The following EGLN1 variants were observed in gnomAD, a reference collection of about 807,000 sequenced individuals.
EGLN1 encodes the protein egl-9 family hypoxia inducible factor 1, also known as egl nine homolog 1.
Under a neutral mutation model 38.3 loss-of-function variants are expected in EGLN1, and 17 were observed. The observed-to-expected ratio is 0.44, with a 90% CI of 0.30 to 0.67. EGLN1 has a LOEUF of 0.67. Ranked by LOEUF, EGLN1 falls within the 30% of genes least tolerant of loss-of-function variation. EGLN1 has a pLI of 0.08. For missense variants in EGLN1, 477 were observed against 603.3 expected (o/e 0.79, Z 2.19); for synonymous variants, 283 against 257.5 (o/e 1.10, Z -0.95).
chr1:231,406,174 A>T (rs1558393684), intron 1 of EGLN1, among the ~76,000 whole-genome samples: 1 of 151,842 alleles, frequency 6.6e-6, no homozygotes, highest in Non-Finnish European at 1.5e-5. Context: ...TCAAAAAAAA[A>T]AAAAATTTCA....
chr1:231,367,462 G>A, intron 4 of EGLN1, 107 bp downstream of exon 4: 1 of 1,124,198 alleles, frequency 8.9e-7, no homozygotes, highest in Non-Finnish European at 1.3e-6. Flanking sequence ...AAAACAAAAA[G>A]TAAGTATTCA....
intron 1 of EGLN1, among the ~76,000 whole-genome samples, chr1:231,384,193 A>G (rs1423952893): frequency 5.9e-5 from 9 of 152,118 alleles, no homozygotes; most frequent in Non-Finnish European, 5.9e-5. Context: ...ATTAAACCCT[A>G]AAAATATACA....
At chr1:231,406,414 T>A (rs1157506638) in intron 1 of EGLN1, among the ~76,000 whole-genome samples, 2 of 152,104 alleles carry the variant, frequency 1.3e-5, no homozygotes, top group Admixed American at 6.5e-5. Context: ...TGGAGAGGTA[T>A]GCCCTCCAGA....
intron 1 of EGLN1, among the ~76,000 whole-genome samples, chr1:231,402,932 T>C (rs372595960): frequency 6.6e-6 from 1 of 152,006 alleles, no homozygotes; most frequent in African/African-American, 2.4e-5. Flanking sequence ...TCAATTGATA[T>C]TGTTAGTGTA....
rs578117015 is a variant in EGLN1, at chr1:231,386,729, G to C, written c.892-12630C>G. ...TAAATCAATTAATGATTTACCTTGA[G>C]AGAACAGAGATGATAGATTAGACAG... is the stretch of plus-strand genomic sequence containing the variant. On this transcript the variant is annotated intron_variant, in intron 1 of 4. Coordinates refer to ENST00000366641, the MANE Select transcript of EGLN1 (RefSeq NM_022051.3). Among the ~76,000 whole-genome samples, 8 of 152,258 alleles carry C rather than the reference G, an allele frequency of 5.3e-5. No homozygotes were observed. The East Asian group carries it at 1.5e-3, about 29-fold the overall frequency.
chr1:231,387,095 G>A (rs982378368), intron 1 of EGLN1, among the ~76,000 whole-genome samples: 7 of 151,600 alleles, frequency 4.6e-5, no homozygotes, highest in East Asian at 1.9e-4. Flanking sequence ...CTGGCCTCAC[G>A]CAATCCTCCT....
intron 1 of EGLN1, among the ~76,000 whole-genome samples, chr1:231,378,008 T>C (rs944514158): frequency 6.6e-6 from 1 of 152,234 alleles, no homozygotes; most frequent in Non-Finnish European, 1.5e-5. Context: ...ATTATCACCA[T>C]CTAAATGTAT....
rs574288484 is a variant in EGLN1 at position 231,421,888 on chromosome 1, TGGCGGC to T, written c.-6_-1del. The T allele has an allele frequency of 2.1e-4, 294 of 1,430,882 alleles. No homozygotes were observed. The highest frequency in any genetic ancestry group is 1.5e-3 in the African/African-American group (99 of 66,726). 88.6% of individuals were successfully genotyped at this position (1,430,882 alleles called of 1,614,324 possible). On this transcript the variant is annotated 5_prime_UTR_variant, in exon 1 of 5. Transcript: ENST00000366641. The surrounding 1 kb of genome is among the most constrained non-coding windows in gnomAD (Gnocchi z 5.5). ...CCGGGCCCGCCGCTGTCATTGGCCA[TGGCGGC>T]GGCGGCGGCGGCGACGGCGACTGCG...
intron 1 of EGLN1, among the ~76,000 whole-genome samples, chr1:231,378,585 C>T (rs967623856): frequency 6.6e-6 from 1 of 152,020 alleles, no homozygotes; most frequent in Non-Finnish European, 1.5e-5. Flanking sequence ...CGTGAGACAC[C>T]GTGCCTGGCT....
chr1:231,382,776 G>A (rs1688104664), intron 1 of EGLN1, among the ~76,000 whole-genome samples: 1 of 152,192 alleles, frequency 6.6e-6, no homozygotes, highest in Admixed American at 6.5e-5. Context: ...GTGCTTGGCA[G>A]GCCGGGCATG....
chr1:231,412,011 C>CAAA lies in EGLN1; in HGVS notation c.891+8984_891+8986dup, dbSNP rs747472895. On this transcript the variant is annotated intron_variant, in intron 1 of 4. Coordinates refer to ENST00000366641, the MANE Select transcript of EGLN1 (RefSeq NM_022051.3). Reference sequence around the variant, plus strand: ...TGGGTGACAGAGTGAGACTCCATCTCAAAAAAAAAAAAAAAAAAAAAAAAA... The same window carrying CAAA: ...TGGGTGACAGAGTGAGACTCCATCTCAAAAAAAAAAAAAAAAAAAAAAAAAAAA... 1.1e-3 allele frequency among the ~76,000 whole-genome samples: 38 copies of CAAA among 33,666 alleles called. 11 individuals carry two copies. The highest frequency in any genetic ancestry group is 2.5e-3 in the South Asian group (1 of 404). The allele number at this position is 33,666 out of a possible 152,430, so 22.1% of individuals were successfully genotyped here. A position where few individuals can be genotyped will look rare whatever the true frequency, so the allele number is the denominator to read the frequency against.
At chr1:231,383,057 C>CA (rs547747077) in intron 1 of EGLN1, among the ~76,000 whole-genome samples, 2,049 of 70,498 alleles carry the variant, frequency 0.029, 147 homozygotes, top group East Asian at 0.043. Flanking sequence ...AACTCTGTCT[C>CA]AAAAAAAAAA....
rs1176987044 is a variant in EGLN1, at chr1:231,364,969, GTAAA to G, written c.*1438_*1441del. On this transcript the variant is annotated 3_prime_UTR_variant, in exon 5 of 5. Transcript: ENST00000366641. ...CTAATATTCCTTCCTTGTTTAAAAA[GTAAA>G]TAAGAAAACCCATGAAACAAAATAA... 2 of 152,036 alleles carry G rather than the reference GTAAA, an allele frequency of 1.3e-5. No individual in the cohort carries two copies. Among genetic ancestry groups the G allele is most frequent in the Non-Finnish European group, 2.9e-5 (2 of 68,018 alleles). The allele number at this position is 152,036 out of a possible 1,614,324, so 9.4% of individuals were successfully genotyped here.
At chr1:231,389,112 T>C (rs929265283) in intron 1 of EGLN1, among the ~76,000 whole-genome samples, 2 of 152,228 alleles carry the variant, frequency 1.3e-5, no homozygotes, top group African/African-American at 4.8e-5. Flanking sequence ...TGATCTCAAT[T>C]GAATCAACAT....
intron 1 of EGLN1, among the ~76,000 whole-genome samples, chr1:231,395,481 A>G (rs754071241): frequency 2.0e-5 from 3 of 152,214 alleles, no homozygotes; most frequent in Non-Finnish European, 2.9e-5. Flanking sequence ...CATACTTTTC[A>G]AACTCTGGAC....
intron 1 of EGLN1, among the ~76,000 whole-genome samples, chr1:231,415,166 C>T (rs961130807): frequency 4.0e-5 from 6 of 151,364 alleles, no homozygotes; most frequent in East Asian, 3.9e-4. Context: ...CCAGCTACTA[C>T]GGAGACTCAA....
At chr1:231,399,438 T>C (rs890360250) in intron 1 of EGLN1, among the ~76,000 whole-genome samples, 1 of 152,154 alleles carries the variant, frequency 6.6e-6, no homozygotes, top group African/African-American at 2.4e-5. Flanking sequence ...GAGAAGAATG[T>C]TGACACCAAA....
In EGLN1 at chr1:231,391,102, G is replaced by T. The variant is rs1367770721; in HGVS notation, c.892-17003C>A. Reference sequence around the variant, plus strand: ...CATTCTGTTTTTTTTTTGTGTGTGTGTGTGTGTGTGTGTGTGTGTGTGTGT... The same window carrying T: ...CATTCTGTTTTTTTTTTGTGTGTGTTTGTGTGTGTGTGTGTGTGTGTGTGT... On this transcript the variant is annotated intron_variant, in intron 1 of 4. Coordinates refer to ENST00000366641, the MANE Select transcript of EGLN1 (RefSeq NM_022051.3). Among the ~76,000 whole-genome samples the T allele has an allele frequency of 1.3e-3, 192 of 143,906 alleles. 1 individual carries two copies. The highest frequency in any genetic ancestry group is 4.9e-3 in the African/African-American group (175 of 36,060). 94.4% of individuals were successfully genotyped at this position (143,906 alleles called of 152,430 possible).
chr1:231,419,848 G>C lies in EGLN1; in HGVS notation c.891+1150C>G, dbSNP rs569380237. Among the ~76,000 whole-genome samples, 12 of 152,312 alleles carry C rather than the reference G, an allele frequency of 7.9e-5. No homozygotes were observed. The South Asian group carries it at 2.3e-3, about 29-fold the overall frequency. On this transcript the variant is annotated intron_variant, in intron 1 of 4. Transcript: ENST00000366641. ...AGAATCACATGTAATGACTGTCAAA[G>C]TAGATGATCTGACACACACATACAG...
Sources: allele counts gnomAD v4.1 joint callset (sites outside exome capture counted in the v4.1 genomes callset), GRCh38; gene constraint gnomAD v4.1.1; non-coding constraint Gnocchi (gnomAD v3.1); transcripts MANE v1.5; gene names NCBI Gene and HGNC (gene_info 2026-07-23, HGNC 2026-07-21).